Variants in WDFY3 observed in about 807,000 individuals in gnomAD.
WDFY3 encodes the protein WD repeat and FYVE domain-containing protein 3.
Under a neutral mutation model 409.6 loss-of-function variants are expected in WDFY3, and 66 were observed. That is an observed-to-expected ratio of 0.16 (90% CI 0.13 to 0.20). The LOEUF is 0.20. Among genes scored for constraint, WDFY3 ranks in the 10% least tolerant of loss-of-function variants. The pLI, the probability that WDFY3 is intolerant of heterozygous loss-of-function variation, is 1.00. For synonymous variants in WDFY3, 1,521 were observed against 1,537.1 expected, an observed-to-expected ratio of 0.99 and a Z score of 0.25; for missense variants, 3,031 against 4,298.1, an observed-to-expected ratio of 0.71 and a Z score of 8.24.
At chr4:84,782,919 T>G in intron 25 of WDFY3, 44 bp downstream of exon 25, 14 of 1,586,222 alleles carry the variant, frequency 8.8e-6, no homozygotes, top group Non-Finnish European at 1.2e-5. Context: ...GCAAACTTGA[T>G]GGCAAATAAA....
At chr4:84,776,321 T>C (rs902799120) in intron 27 of WDFY3, among the ~76,000 whole-genome samples, 1 of 152,022 alleles carries the variant, frequency 6.6e-6, no homozygotes, top group Admixed American at 6.6e-5. Context: ...ATTTGTCAAA[T>C]GAGTATTCTA....
chr4:84,785,957 A>G, intron 24 of WDFY3, 22 bp downstream of exon 24: 1 of 1,613,002 alleles, frequency 6.2e-7, no homozygotes, highest in Non-Finnish European at 8.5e-7. Context: ...GCCATAGTAC[A>G]CCAAGAAATC....
chr4:84,953,698 C>G (rs1773903461), intron 1 of WDFY3, among the ~76,000 whole-genome samples: 1 of 151,746 alleles, frequency 6.6e-6, no homozygotes. Context: ...TTACATTATC[C>G]CTAATCCTTT....
intron 32 of WDFY3, among the ~76,000 whole-genome samples, chr4:84,761,477 A>C (rs1167302947): frequency 6.6e-6 from 1 of 152,086 alleles, no homozygotes; most frequent in Non-Finnish European, 1.5e-5. Flanking sequence ...TTGCTTTATG[A>C]ATCTGGGTGC....
At chr4:84,680,304 T>C (rs900281834) in intron 64 of WDFY3, among the ~76,000 whole-genome samples, 6 of 152,138 alleles carry the variant, frequency 3.9e-5, no homozygotes, top group African/African-American at 1.4e-4. Context: ...GTATTTATTT[T>C]TACATACATG....
At chr4:84,697,444 A>C (rs1730319351) in intron 56 of WDFY3, among the ~76,000 whole-genome samples, 1 of 152,222 alleles carries the variant, frequency 6.6e-6, no homozygotes, top group African/African-American at 2.4e-5. Context: ...AATATTTGGA[A>C]AAACTATAGG....
intron 61 of WDFY3, among the ~76,000 whole-genome samples, chr4:84,689,614 G>GT (rs954138564): frequency 6.6e-6 from 1 of 152,132 alleles, no homozygotes; most frequent in Non-Finnish European, 1.5e-5. Flanking sequence ...TGACACCACT[G>GT]TTTGAGTTTG....
chr4:84,713,445 A>G (rs981605660), intron 50 of WDFY3, among the ~76,000 whole-genome samples: 2 of 152,258 alleles, frequency 1.3e-5, no homozygotes, highest in Admixed American at 6.5e-5. Context: ...TAGCACCTTT[A>G]GAAATTAAAA....
At chr4:84,929,446 T>C (rs1413742697) in intron 2 of WDFY3, among the ~76,000 whole-genome samples, 1 of 151,842 alleles carries the variant, frequency 6.6e-6, no homozygotes, top group African/African-American at 2.4e-5. Flanking sequence ...TAATTTGTTA[T>C]GTAGGGCAAT....
intron 1 of WDFY3, among the ~76,000 whole-genome samples, chr4:84,941,429 TC>T (rs1389486895): frequency 6.6e-6 from 1 of 151,972 alleles, no homozygotes; most frequent in Non-Finnish European, 1.5e-5. Context: ...GAGGAGTAAT[TC>T]TAACAAACTG....
intron 5 of WDFY3, among the ~76,000 whole-genome samples, chr4:84,845,655 A>G (rs533226827): frequency 6.6e-6 from 1 of 152,320 alleles, no homozygotes; most frequent in South Asian, 2.1e-4. Context: ...GGATATACTT[A>G]GGCCCTGAAA....
intron 1 of WDFY3, among the ~76,000 whole-genome samples, chr4:84,951,134 C>T (rs1773558853): frequency 6.6e-6 from 1 of 152,222 alleles, no homozygotes; most frequent in South Asian, 2.1e-4. Context: ...ACCCTTTCCT[C>T]ACAGGATGCT....
At chr4:84,770,577 G>A (rs1744507957) in intron 30 of WDFY3, among the ~76,000 whole-genome samples, 1 of 152,052 alleles carries the variant, frequency 6.6e-6, no homozygotes, top group East Asian at 1.9e-4. Flanking sequence ...TACTTGTTTG[G>A]AACAATGTAC....
chr4:84,693,523 T>A (rs765112231), intron 58 of WDFY3, among the ~76,000 whole-genome samples: 2 of 152,166 alleles, frequency 1.3e-5, no homozygotes, highest in Non-Finnish European at 2.9e-5. Flanking sequence ...TATTATCATC[T>A]TCTTTGTGCT....
At chr4:84,952,470 G>A (rs1246625737) in intron 1 of WDFY3, among the ~76,000 whole-genome samples, 1 of 152,236 alleles carries the variant, frequency 6.6e-6, no homozygotes, top group South Asian at 2.1e-4. Context: ...CTGCTATACT[G>A]AATGACCTGA....
chr4:84,698,372 G>A (rs1189894772), intron 56 of WDFY3, among the ~76,000 whole-genome samples: 1 of 150,786 alleles, frequency 6.6e-6, no homozygotes, highest in African/African-American at 2.4e-5. Context: ...TCAGCCTTGA[G>A]CTCCTGGCCT....
chr4:84,809,901 T>C lies in WDFY3; in HGVS notation c.2331A>G (p.Thr777=). Residue 777 remains threonine, a synonymous_variant, in exon 14 of 68, where the codon ACA becomes ACG. Transcript: ENST00000295888. Reference sequence around the variant, plus strand: ...CAGAGCCATACCTGTCAAAAGAATCTGTGGCTACTTTGTAAAGATAAATAA... The same window carrying C: ...CAGAGCCATACCTGTCAAAAGAATCCGTGGCTACTTTGTAAAGATAAATAA... ...KLFIYLYKVA[T]DSFDSRAEQI... is the part of the protein sequence containing the mutation. 2 of 1,614,010 alleles carry C rather than the reference T, an allele frequency of 1.2e-6. No individual in the cohort carries two copies. Among genetic ancestry groups the C allele is most frequent in the Non-Finnish European group, 1.7e-6 (2 of 1,179,928 alleles).
Position 84,782,836 on chromosome 4 carries a change from C to T in WDFY3, c.4174+127G>A, listed in dbSNP as rs565342462. The stretch of plus-strand genomic sequence containing the variant: ...GATTGTTACATGTAATCTCTGAATA[C>T]TGCACGTACACTATAGGTCAGTGCT... On this transcript the variant is annotated intron_variant, in intron 25 of 67. Transcript: ENST00000295888. 1.1e-4 allele frequency: 75 copies of T among 702,794 alleles called. No homozygotes were observed. The South Asian group carries it at 1.4e-3, about 13-fold the overall frequency. 43.5% of individuals were successfully genotyped at this position (702,794 alleles called of 1,614,324 possible).
intron 23 of WDFY3, among the ~76,000 whole-genome samples, chr4:84,787,152 T>C (rs1217637603): frequency 1.3e-5 from 2 of 152,224 alleles, no homozygotes; most frequent in Non-Finnish European, 2.9e-5. Flanking sequence ...CAGGGGTGGC[T>C]ATACTTTAAA....
Sources: allele counts gnomAD v4.1 joint callset (sites outside exome capture counted in the v4.1 genomes callset), GRCh38; gene constraint gnomAD v4.1.1; transcripts MANE v1.5; gene names NCBI Gene and HGNC (gene_info 2026-07-23, HGNC 2026-07-21).